HIPK4: variants seen among roughly 807,000 people sequenced by gnomAD.
The protein encoded by HIPK4 is homeodomain-interacting protein kinase 4.
HIPK4 carries 26 observed loss-of-function variants against 44.8 expected under a neutral mutation model. The observed-to-expected ratio is 0.58, with a 90% confidence interval of 0.43 to 0.80. The LOEUF is 0.80. HIPK4 is among the 30% of genes least tolerant of loss of function. The probability of loss-of-function intolerance (pLI) is 0.00; values close to 1 mark genes in which losing one functional copy is unlikely to be tolerated. For missense variants in HIPK4, 729 were observed against 862.6 expected (o/e 0.85, Z 1.94); for synonymous variants, 340 against 355.5 (o/e 0.96, Z 0.49).
Position 40,381,168 on chromosome 19 carries a change from C to A in HIPK4, c.823G>T (p.Val275Leu), listed in dbSNP as rs1354383095. 10 of 1,589,966 alleles carry A rather than the reference C, an allele frequency of 6.3e-6. No homozygotes were observed. In the East Asian group the frequency reaches 1.8e-4, roughly 28 times the overall value. Reference protein sequence around the residue: ...SSADYLAETKVRPLERRKYML... With the variant: ...SSADYLAETKLRPLERRKYML... ...TACTTGCGGCGCTCCAATGGGCGCACCTGGCGGGGCATGGAGAAGGGGGCA... is the reference window on the plus strand; with the variant it reads ...TACTTGCGGCGCTCCAATGGGCGCAACTGGCGGGGCATGGAGAAGGGGGCA... The change falls in exon 3 of 4, where the codon GTG (valine) becomes TTG (leucine). Residue 275 changes from valine (V) to leucine (L), a missense_variant and splice_region_variant. Around this residue, in one of 2 missense-constraint regions of HIPK4, gnomAD observed 533 missense variants for 567.5 expected, o/e 0.94. Coordinates refer to ENST00000291823, the MANE Select transcript of HIPK4 (RefSeq NM_144685.5).
Position 40,384,050 on chromosome 19 carries a change from C to G in HIPK4, c.555G>C (p.Glu185Asp). The G allele has an allele frequency of 6.2e-7, 1 of 1,613,908 alleles. No homozygotes were observed. The highest frequency in any genetic ancestry group is 8.5e-7 in the Non-Finnish European group (1 of 1,179,800). Reference protein sequence around the residue: ...YIQSRFYRAPEILLGLPFCEK... With the variant: ...YIQSRFYRAPDILLGLPFCEK... ...CGCAGAAGGGCAGCCCCAGCAGGATCTCAGGGGCCCGGTAGAAGCGCGACT... is the reference window on the plus strand; with the variant it reads ...CGCAGAAGGGCAGCCCCAGCAGGATGTCAGGGGCCCGGTAGAAGCGCGACT... The change falls in exon 2 of 4, where the codon GAG becomes GAC. Residue 185 changes from glutamate to aspartate, a missense_variant. By Grantham distance (45) the Glu-to-Asp change is conservative. Transcript: ENST00000291823.
At chr19:40,383,081 C>CTTTT (rs71171564) in intron 2 of HIPK4, among the ~76,000 whole-genome samples, 10 of 78,586 alleles carry the variant, frequency 1.3e-4, no homozygotes, top group East Asian at 4.4e-4. Context: ...TCTTTTCTTT[C>CTTTT]TTTTTTTTTT....
chr19:40,385,683 CTTTTTTTTTTTT>C (rs142414559), intron 1 of HIPK4, among the ~76,000 whole-genome samples: 13 of 67,022 alleles, frequency 1.9e-4, no homozygotes, highest in Admixed American at 9.1e-4. Flanking sequence ...CTTTTCTTTT[CTTTTTTTTTTTT>C]TTTTTTTTTT....
chr19:40,380,432 C>T lies in HIPK4; in HGVS notation c.1559G>A (p.Gly520Asp). Reference protein sequence around the residue: ...VSPEDDRPCRGSSWEEGEHLG... With the variant: ...VSPEDDRPCRDSSWEEGEHLG... Reference sequence around the variant, plus strand: ...ATGCTCTCCTTCCTCCCAGCTGCTGCCCCGGCAGGGCCTGTCATCCTCAGG... The same window carrying T: ...ATGCTCTCCTTCCTCCCAGCTGCTGTCCCGGCAGGGCCTGTCATCCTCAGG... Residue 520 changes from glycine (G) to aspartate (D), a missense_variant, in exon 3 of 4, where the codon GGC (glycine) becomes GAC (aspartate). Gly to Asp is a moderately conservative substitution (Grantham distance 94). Coordinates refer to ENST00000291823, the MANE Select transcript of HIPK4 (RefSeq NM_144685.5). The surrounding 1 kb of genome is among the most constrained non-coding windows in gnomAD (Gnocchi z 4.2). The T allele has an allele frequency of 6.2e-7, 1 of 1,614,142 alleles. No individual in the cohort carries two copies. Among genetic ancestry groups the T allele is most frequent in the Non-Finnish European group, 8.5e-7 (1 of 1,180,042 alleles).
At chr19:40,384,428 T>A (rs1019453808) in intron 1 of HIPK4, among the ~76,000 whole-genome samples, 1 of 152,066 alleles carries the variant, frequency 6.6e-6, no homozygotes, top group Non-Finnish European at 1.5e-5. Flanking sequence ...CTTAGCCTCC[T>A]GAGTAGCTGG....
chr19:40,389,619 T>C lies in HIPK4; in HGVS notation c.284A>G (p.Asn95Ser). ...FYLVFELLEQNLFEFQKENNF... is the reference protein window; with the variant it reads ...FYLVFELLEQSLFEFQKENNF... The stretch of plus-strand genomic sequence containing the variant: ...GTTCTCCTTCTGGAACTCGAAAAGG[T>C]TTTGCTCCAGCAGCTCAAAGACCAG... The change falls in exon 1 of 4, where the codon AAC becomes AGC. Residue 95 changes from asparagine (N) to serine (S), a missense_variant. Transcript: ENST00000291823. The surrounding 1 kb of genome is among the most constrained non-coding windows in gnomAD (Gnocchi z 4.6). 2 of 1,613,472 alleles carry C rather than the reference T, an allele frequency of 1.2e-6. No individual in the cohort carries two copies. Among genetic ancestry groups the C allele is most frequent in the South Asian group, 2.2e-5 (2 of 91,050 alleles).
rs1488326660 is a variant in HIPK4 at position 40,379,685 on chromosome 19, C to T, written c.1753G>A (p.Gly585Ser). Residue 585 changes from glycine to serine, a missense_variant, in exon 4 of 4, where the codon GGC becomes AGC. By Grantham distance (56) the Gly-to-Ser change is moderately conservative (BLOSUM62 0). Coordinates refer to ENST00000291823, the MANE Select transcript of HIPK4 (RefSeq NM_144685.5). ...EPDCTLESVR[G>S]PRAQGLPPRR... ...GGTGGGAGCCCCTGAGCCCGTGGGC[C>T]CCTGACGCTCTCCAGGGTGCAGTCT... 6.3e-7 allele frequency: 1 copy of T among 1,587,546 alleles called. No homozygotes were observed. The highest frequency in any genetic ancestry group is 1.3e-5 in the African/African-American group (1 of 74,236).
chr19:40,381,690 C>T (rs976365692), intron 2 of HIPK4, among the ~76,000 whole-genome samples: 2 of 151,712 alleles, frequency 1.3e-5, no homozygotes, highest in Non-Finnish European at 2.9e-5. Flanking sequence ...CTAACCCAGG[C>T]TCTTGCTGCA....
chr19:40,382,732 T>A (rs933082372), intron 2 of HIPK4, among the ~76,000 whole-genome samples: 3 of 148,858 alleles, frequency 2.0e-5, no homozygotes, highest in Non-Finnish European at 3.0e-5. Context: ...AGCCCAGAAA[T>A]TTTTTTTTTC....
In HIPK4 at chr19:40,384,047, G is replaced by A. The variant is rs373007992; in HGVS notation, c.558C>T (p.Ile186=). 4.9e-5 allele frequency: 79 copies of A among 1,613,808 alleles called. No homozygotes were observed. Among genetic ancestry groups the A allele is most frequent in the Non-Finnish European group, 6.0e-5 (71 of 1,179,834 alleles). Residue 186 remains isoleucine, a synonymous_variant, in exon 2 of 4, where the codon ATC becomes ATT. Coordinates refer to ENST00000291823, the MANE Select transcript of HIPK4 (RefSeq NM_144685.5). Reference sequence around the variant, plus strand: ...TCTCGCAGAAGGGCAGCCCCAGCAGGATCTCAGGGGCCCGGTAGAAGCGCG... The same window carrying A: ...TCTCGCAGAAGGGCAGCCCCAGCAGAATCTCAGGGGCCCGGTAGAAGCGCG... The part of the protein sequence containing the change: ...IQSRFYRAPE[I]LLGLPFCEKV...
intron 1 of HIPK4, among the ~76,000 whole-genome samples, chr19:40,385,853 G>A (rs564432550): frequency 1.3e-5 from 2 of 150,896 alleles, no homozygotes; most frequent in Admixed American, 6.6e-5. Context: ...GATTACAGGT[G>A]CACACCACCA....
rs144804406 is a variant in HIPK4 at position 40,380,554 on chromosome 19, G to A, written c.1437C>T (p.Ser479=). The change falls in exon 3 of 4, where the codon AGC becomes AGT. Residue 479 remains serine, a synonymous_variant. Coordinates refer to ENST00000291823, the MANE Select transcript of HIPK4 (RefSeq NM_144685.5). This position sits in a 1 kb window ranked among gnomAD's most constrained non-coding sequence, Gnocchi z 4.2. ...SGPEPILAFY[S]SRLAGRHKAR... is the part of the protein sequence containing the mutation. ...CCTTGTGGCGGCCTGCCAGGCGGCT[G>A]CTGTAGAAGGCCAGGATGGGCTCAG... is the stretch of plus-strand genomic sequence containing the variant. 3.0e-5 allele frequency: 49 copies of A among 1,611,872 alleles called. No individual in the cohort carries two copies. The African/African-American group carries it at 6.3e-4, about 21-fold the overall frequency.
Position 40,380,837 on chromosome 19 carries a change from G to A in HIPK4, c.1154C>T (p.Ala385Val), listed in dbSNP as rs573926493. 6.8e-6 allele frequency: 11 copies of A among 1,610,490 alleles called. No homozygotes were observed. The African/African-American group carries it at 1.1e-4, about 16-fold the overall frequency. The change falls in exon 3 of 4, where the codon GCC becomes GTC. Residue 385 changes from alanine to valine, a missense_variant. This residue lies in a region of HIPK4 where 533 missense variants were observed against 567.5 expected (regional missense o/e 0.94). Coordinates refer to ENST00000291823, the MANE Select transcript of HIPK4 (RefSeq NM_144685.5). The surrounding 1 kb of genome is among the most constrained non-coding windows in gnomAD (Gnocchi z 4.2). ...GTAGTAGGGGGTCCCATCTTCTGCG[G>A]CCACGACGGGCGTGGGGGGCTTCCC... The part of the protein sequence containing the change: ...VEGKPPTPVV[A>V]AEDGTPYYCL...
chr19:40,384,327 G>C (rs2145718212), intron 1 of HIPK4, among the ~76,000 whole-genome samples, 188 bp from the exon 2 acceptor site: 1 of 152,194 alleles, frequency 6.6e-6, no homozygotes, highest in Non-Finnish European at 1.5e-5. Flanking sequence ...GTTTGAGACA[G>C]AGTCTCACTC....
intron 1 of HIPK4, among the ~76,000 whole-genome samples, 195 bp from the exon 2 acceptor site, chr19:40,384,334 A>G (rs1175713341): frequency 6.6e-6 from 1 of 151,590 alleles, no homozygotes; most frequent in African/African-American, 2.4e-5. Flanking sequence ...ACAGAGTCTC[A>G]CTCTTGTTGC....
intron 1 of HIPK4, among the ~76,000 whole-genome samples, chr19:40,385,789 C>A (rs546208909): frequency 7.0e-6 from 1 of 143,340 alleles, no homozygotes; most frequent in Non-Finnish European, 1.5e-5. Flanking sequence ...CTCACTGCAA[C>A]CTCCTCCTCC....
At chr19:40,385,683 C>CTTTTTTTTTTTTTT (rs142414559) in intron 1 of HIPK4, among the ~76,000 whole-genome samples, 10 of 67,022 alleles carry the variant, frequency 1.5e-4, no homozygotes, top group African/African-American at 2.6e-4. Context: ...CTTTTCTTTT[C>CTTTTTTTTTTTTTT]TTTTTTTTTT....
Position 40,384,089 on chromosome 19 carries a change from CT to C in HIPK4, c.515del (p.Lys172ArgfsTer123). ...AGAAGCGCGACTGGATGTATGGCTCCTTCACGTAGCGCACCTCGCTGAAAAT... is the reference window on the plus strand; with the variant it reads ...AGAAGCGCGACTGGATGTATGGCTCCTCACGTAGCGCACCTCGCTGAAAAT... ...ASIFSEVRYV[K>X]EPYIQSRFYR... On this transcript the variant is annotated frameshift_variant, in exon 2 of 4. Coordinates refer to ENST00000291823, the MANE Select transcript of HIPK4 (RefSeq NM_144685.5). LOFTEE classifies it high-confidence loss of function. The C allele has an allele frequency of 6.2e-7, 1 of 1,607,434 alleles. No individual in the cohort carries two copies. The highest frequency in any genetic ancestry group is 8.5e-7 in the Non-Finnish European group (1 of 1,175,270).
At chr19:40,381,787 T>A (rs971064845) in intron 2 of HIPK4, among the ~76,000 whole-genome samples, 1,392 of 91,006 alleles carry the variant, frequency 0.015, 79 homozygotes, top group Admixed American at 0.11. Context: ...TCAGATCCTT[T>A]TTTTTTTTTT....
Sources: gnomAD v4.1 joint callset for allele counts (sites outside exome capture counted in the v4.1 genomes callset) on GRCh38, gnomAD v4.1.1 for gene constraint, gnomAD v4.1.1 regional missense constraint, Gnocchi (gnomAD v3.1) non-coding constraint, MANE v1.5 for transcripts, NCBI Gene and HGNC (gene_info 2026-07-23, HGNC 2026-07-21) for gene names.